SMCP: variants seen among roughly 807,000 people sequenced by gnomAD.
SMCP encodes sperm mitochondrial-associated cysteine-rich protein.
For synonymous variants in SMCP, 41 were observed against 46.9 expected (o/e 0.87, Z 0.51); for missense variants, 137 against 137.1 (o/e 1.00, Z 0.01).
At chr1:152,882,961 T>C (rs1300446016) in intron 1 of SMCP, among the ~76,000 whole-genome samples, 1 of 152,204 alleles carries the variant, frequency 6.6e-6, no homozygotes, top group Admixed American at 6.5e-5. Context: ...GGAGAATCGC[T>C]TGAACCTGGG....
At chr1:152,884,067 A>G (rs924509718) in intron 1 of SMCP, among the ~76,000 whole-genome samples, 1 of 152,172 alleles carries the variant, frequency 6.6e-6, no homozygotes, top group Non-Finnish European at 1.5e-5. Context: ...ACATTAGCTG[A>G]TGTTTGTGAA....
At chr1:152,878,910 G>T (rs948500020) in intron 1 of SMCP, among the ~76,000 whole-genome samples, 4 of 152,190 alleles carry the variant, frequency 2.6e-5, no homozygotes, top group Admixed American at 6.5e-5. Context: ...CACATTCAAA[G>T]ACCTGGAAAG....
chr1:152,878,872 A>G (rs766681410), intron 1 of SMCP, among the ~76,000 whole-genome samples: 1 of 152,218 alleles, frequency 6.6e-6, no homozygotes, highest in Non-Finnish European at 1.5e-5. Context: ...ACAGAGACCC[A>G]GGAAGGGTGG....
intron 1 of SMCP, 28 bp downstream of exon 1, chr1:152,878,474 G>A (rs1486672079): frequency 6.6e-6 from 1 of 152,624 alleles, no homozygotes; most frequent in Non-Finnish European, 1.5e-5. Context: ...TGTCTTTTGG[G>A]TCCTCTCTCC....
rs992709132 is a variant in SMCP at position 152,884,494 on chromosome 1, C to T, written c.72C>T (p.Asn24=). The T allele has an allele frequency of 1.4e-5, 22 of 1,613,712 alleles. No homozygotes were observed. Among genetic ancestry groups the T allele is most frequent in the Non-Finnish European group, 1.8e-5 (21 of 1,179,890 alleles). Residue 24 remains asparagine (N), a synonymous_variant, in exon 2 of 2, where the codon AAC becomes AAT. Coordinates refer to ENST00000368765, the MANE Select transcript of SMCP (RefSeq NM_030663.3). The part of the protein sequence containing the change: ...KGNQCCPPQQ[N]QCCQSKGNQC... ...ATCAATGCTGCCCACCACAGCAGAA[C>T]CAGTGCTGCCAGTCAAAAGGCAATC...
At chr1:152,881,994 A>T (rs1352322528) in intron 1 of SMCP, among the ~76,000 whole-genome samples, 1 of 152,060 alleles carries the variant, frequency 6.6e-6, no homozygotes, top group Non-Finnish European at 1.5e-5. Flanking sequence ...TTATTTTTTG[A>T]GATGGAGTTT....
intron 1 of SMCP, among the ~76,000 whole-genome samples, chr1:152,883,935 G>C (rs185909522): frequency 6.6e-6 from 1 of 152,320 alleles, no homozygotes; most frequent in African/African-American, 2.4e-5. Context: ...ACATGCTCTG[G>C]AGTGGGATAG....
At position 152,884,674 on chromosome 1, in the gene SMCP, C is replaced by T; in HGVS notation, c.252C>T (p.Asn84=). The change falls in exon 2 of 2, where the codon AAC becomes AAT. Residue 84 remains asparagine (N), a synonymous_variant. Transcript: ENST00000368765. ...LETKPEVSPL[N]MESEPNSPQT... is the part of the protein sequence containing the mutation. Reference sequence around the variant, plus strand: ...CCAAGCCTGAAGTCTCACCCCTTAACATGGAGTCTGAGCCCAACTCACCGC... The same window carrying T: ...CCAAGCCTGAAGTCTCACCCCTTAATATGGAGTCTGAGCCCAACTCACCGC... 1 of 1,614,196 alleles carries T rather than the reference C, an allele frequency of 6.2e-7. No homozygotes were observed. Among genetic ancestry groups the T allele is most frequent in the East Asian group, 2.2e-5 (1 of 44,886 alleles).
chr1:152,881,410 C>T (rs531894464), intron 1 of SMCP, among the ~76,000 whole-genome samples: 130 of 152,224 alleles, frequency 8.5e-4, no homozygotes, highest in African/African-American at 2.9e-3. Flanking sequence ...ACTACCCGGC[C>T]GGGCGCGGTG....
At chr1:152,882,005 T>G (rs1237656384) in intron 1 of SMCP, among the ~76,000 whole-genome samples, 1 of 152,228 alleles carries the variant, frequency 6.6e-6, no homozygotes. Context: ...GATGGAGTTT[T>G]GCTCTTCTTG....
chr1:152,884,923 T>C lies in SMCP; in HGVS notation c.*150T>C, dbSNP rs889639570. 1 of 694,940 alleles carries C rather than the reference T, an allele frequency of 1.4e-6. No homozygotes were observed. The highest frequency in any genetic ancestry group is 1.8e-5 in the African/African-American group (1 of 55,276). The allele number at this position is 694,940 out of a possible 1,614,324, so 43.0% of individuals were successfully genotyped here. A position where few individuals can be genotyped will look rare whatever the true frequency, so the allele number is the denominator to read the frequency against. On this transcript the variant is annotated 3_prime_UTR_variant, in exon 2 of 2. Coordinates refer to ENST00000368765, the MANE Select transcript of SMCP (RefSeq NM_030663.3). ...TTCCACCCAATGAGAGGCTCCTATT[T>C]CCCATCATAGCTCCCTACCCTAGGG...
chr1:152,883,140 T>C (rs1649107659), intron 1 of SMCP, among the ~76,000 whole-genome samples: 1 of 152,204 alleles, frequency 6.6e-6, no homozygotes, highest in Admixed American at 6.5e-5. Flanking sequence ...GGTTGCCACC[T>C]CACCTCAGCA....
chr1:152,883,119 G>A (rs1045438445), intron 1 of SMCP, among the ~76,000 whole-genome samples: 1 of 152,166 alleles, frequency 6.6e-6, no homozygotes, highest in Non-Finnish European at 1.5e-5. Flanking sequence ...GGATGCCAGA[G>A]GCTGGAAGGT....
intron 1 of SMCP, among the ~76,000 whole-genome samples, chr1:152,881,694 CAAAAAA>C (rs767042818): frequency 1.4e-5 from 1 of 70,178 alleles, no homozygotes. Context: ...GACTCCGTCT[CAAAAAA>C]AAAAAAAAAA....
intron 1 of SMCP, among the ~76,000 whole-genome samples, chr1:152,881,688 C>T (rs1649053674): frequency 7.5e-6 from 1 of 132,546 alleles, no homozygotes; most frequent in African/African-American, 3.5e-5. Flanking sequence ...GAGCGAGACT[C>T]CGTCTCAAAA....
intron 1 of SMCP, among the ~76,000 whole-genome samples, chr1:152,883,769 A>G (rs1174073034): frequency 6.6e-6 from 1 of 152,150 alleles, no homozygotes; most frequent in Admixed American, 6.5e-5. Context: ...TGCCAAGAGC[A>G]CTGTACTTTT....
At chr1:152,884,130 A>G (rs1052451422) in intron 1 of SMCP, among the ~76,000 whole-genome samples, 5 of 152,222 alleles carry the variant, frequency 3.3e-5, no homozygotes, top group African/African-American at 1.2e-4. Context: ...CTGTTTGCTC[A>G]TTAGCTAAGG....
At chr1:152,880,519 C>T (rs1185073276) in intron 1 of SMCP, among the ~76,000 whole-genome samples, 3 of 152,180 alleles carry the variant, frequency 2.0e-5, no homozygotes, top group Non-Finnish European at 2.9e-5. Flanking sequence ...TTGCTCACCT[C>T]TCTCCTTCCT....
At chr1:152,882,686 C>A (rs887655467) in intron 1 of SMCP, among the ~76,000 whole-genome samples, 2 of 152,230 alleles carry the variant, frequency 1.3e-5, no homozygotes, top group Admixed American at 1.3e-4. Context: ...CACACACTCT[C>A]ACAGAGATAT....
Sources: gnomAD v4.1 joint callset for allele counts (sites outside exome capture counted in the v4.1 genomes callset) on GRCh38, gnomAD v4.1.1 for gene constraint, MANE v1.5 for transcripts, NCBI Gene and HGNC (gene_info 2026-07-23, HGNC 2026-07-21) for gene names.